Variants in TMEFF1 observed in about 807,000 individuals in gnomAD.
TMEFF1 encodes transmembrane protein with EGF like and two follistatin like domains 1, also known as tomoregulin-1.
Under a neutral mutation model 47.5 loss-of-function variants are expected in TMEFF1, and 20 were observed. The ratio of observed to expected loss-of-function variants is 0.42; its 90% CI spans 0.30 to 0.61. TMEFF1 has a LOEUF of 0.61. Among genes scored for constraint, TMEFF1 ranks in the 20% least tolerant of loss-of-function variants. TMEFF1 has a pLI of 0.19. For synonymous variants in TMEFF1, 162 were observed against 166.3 expected (o/e 0.97, Z 0.20); for missense variants, 411 against 471.1 (o/e 0.87, Z 1.18).
intron 1 of TMEFF1, among the ~76,000 whole-genome samples, chr9:100,482,183 TTTTC>T (rs951547468): frequency 8.6e-5 from 13 of 151,950 alleles, no homozygotes; most frequent in African/African-American, 1.4e-4. Context: ...TCTTCTTTTC[TTTTC>T]TTTCTTTCTT....
chr9:100,557,945 CTG>C (rs1838946558), intron 7 of TMEFF1, among the ~76,000 whole-genome samples: 1 of 151,860 alleles, frequency 6.6e-6, no homozygotes, highest in South Asian at 2.1e-4. Context: ...ATATTAGACT[CTG>C]TGAATTCGGA....
chr9:100,536,626 A>G (rs1838513780), intron 5 of TMEFF1, among the ~76,000 whole-genome samples: 1 of 152,184 alleles, frequency 6.6e-6, no homozygotes, highest in Non-Finnish European at 1.5e-5. Context: ...CTTGATTATT[A>G]ACTTTATTTC....
intron 1 of TMEFF1, among the ~76,000 whole-genome samples, chr9:100,498,434 A>C (rs1406606836): frequency 6.6e-6 from 1 of 152,142 alleles, no homozygotes. Flanking sequence ...ATGTTAAATA[A>C]GAAATAGTAA....
intron 5 of TMEFF1, among the ~76,000 whole-genome samples, chr9:100,544,030 A>G (rs1238696234): frequency 6.6e-6 from 1 of 151,408 alleles, no homozygotes; most frequent in African/African-American, 2.4e-5. Context: ...AACCTTTTTA[A>G]TTTTTTAAAT....
chr9:100,560,819 A>C (rs1008154000), intron 7 of TMEFF1, among the ~76,000 whole-genome samples: 1 of 152,234 alleles, frequency 6.6e-6, no homozygotes, highest in Non-Finnish European at 1.5e-5. Flanking sequence ...TTTTAAAATA[A>C]TGACCATATA....
chr9:100,558,451 C>T (rs1402661237), intron 7 of TMEFF1, among the ~76,000 whole-genome samples: 1 of 151,752 alleles, frequency 6.6e-6, no homozygotes, highest in African/African-American at 2.4e-5. Flanking sequence ...GAAACTGTAG[C>T]AAGAAAAGTA....
At chr9:100,545,085 C>T (rs879531512) in intron 5 of TMEFF1, among the ~76,000 whole-genome samples, 7 of 152,174 alleles carry the variant, frequency 4.6e-5, no homozygotes, top group South Asian at 2.1e-4. Context: ...ATGCACAGTG[C>T]GAGCTGTCAG....
At chr9:100,505,668 A>G (rs1048760076) in intron 2 of TMEFF1, among the ~76,000 whole-genome samples, 3 of 152,188 alleles carry the variant, frequency 2.0e-5, no homozygotes, top group African/African-American at 7.2e-5. Flanking sequence ...GCAGTACTTC[A>G]GGCATCCTTG....
intron 7 of TMEFF1, among the ~76,000 whole-genome samples, chr9:100,553,981 G>T (rs1250917847): frequency 2.6e-5 from 4 of 152,106 alleles, no homozygotes; most frequent in Admixed American, 2.6e-4. Flanking sequence ...ACATTTTAAT[G>T]TGACCATTTT....
chr9:100,529,830 C>A (rs11788763), intron 5 of TMEFF1, among the ~76,000 whole-genome samples: 3,802 of 152,028 alleles, frequency 0.025, 58 homozygotes, highest in Middle Eastern at 0.034. Context: ...CAAAATTGAC[C>A]ACATAGTTGG....
At chr9:100,563,835 G>A (rs138969666) in intron 8 of TMEFF1, among the ~76,000 whole-genome samples, 318 of 152,198 alleles carry the variant, frequency 2.1e-3, no homozygotes, top group Non-Finnish European at 3.5e-3. Context: ...TTTTTAAGAG[G>A]AATATCTTAA....
chr9:100,544,664 A>G (rs1838699024), intron 5 of TMEFF1, among the ~76,000 whole-genome samples: 1 of 152,198 alleles, frequency 6.6e-6, no homozygotes, highest in Non-Finnish European at 1.5e-5. Flanking sequence ...CCAGTCACCC[A>G]AAGTCTTAAC....
chr9:100,563,651 G>C (rs1245748916), intron 8 of TMEFF1, among the ~76,000 whole-genome samples: 1 of 152,206 alleles, frequency 6.6e-6, no homozygotes, highest in African/African-American at 2.4e-5. Flanking sequence ...TGCTTAGCCT[G>C]ATACCTGGTA....
chr9:100,527,472 G>C (rs1838284657), intron 5 of TMEFF1, among the ~76,000 whole-genome samples: 1 of 152,220 alleles, frequency 6.6e-6, no homozygotes, highest in African/African-American at 2.4e-5. Context: ...TCAAAGAAAG[G>C]GGTGACAGAC....
At chr9:100,488,065 A>T (rs1335025727) in intron 1 of TMEFF1, among the ~76,000 whole-genome samples, 1 of 152,216 alleles carries the variant, frequency 6.6e-6, no homozygotes, top group Non-Finnish European at 1.5e-5. Flanking sequence ...AGTGGTTAGA[A>T]ATAGAACCAG....
intron 5 of TMEFF1, among the ~76,000 whole-genome samples, chr9:100,544,618 A>G (rs570569404): frequency 6.6e-6 from 1 of 152,312 alleles, no homozygotes; most frequent in South Asian, 2.1e-4. Flanking sequence ...CCCAAATCTC[A>G]TGTCCTCACA....
At position 100,561,569 on chromosome 9, in the gene TMEFF1, G is replaced by C. The variant is rs1287130827; in HGVS notation, c.899+49G>C. ...TGGTGAGCATTTTTTTTCATCAATG[G>C]TTGTTGCTCTATAGAAGGGAATGAA... On this transcript the variant is annotated intron_variant, in intron 8 of 9. Coordinates refer to ENST00000374879, the MANE Select transcript of TMEFF1 (RefSeq NM_003692.5). The C allele has an allele frequency of 2.5e-6, 4 of 1,579,986 alleles. 1 individual carries two copies. The South Asian group carries it at 4.7e-5, about 19-fold the overall frequency.
chr9:100,527,677 A>G (rs1838289783), intron 5 of TMEFF1, among the ~76,000 whole-genome samples: 1 of 152,222 alleles, frequency 6.6e-6, no homozygotes, highest in Non-Finnish European at 1.5e-5. Context: ...GGCACCCGCC[A>G]TTGCCCAGGC....
chr9:100,553,161 G>GCA (rs956620867), intron 7 of TMEFF1, among the ~76,000 whole-genome samples: 2 of 152,140 alleles, frequency 1.3e-5, no homozygotes, highest in African/African-American at 4.8e-5. Flanking sequence ...GAATTTGAAG[G>GCA]CAAGGGGATC....
Sources: allele counts gnomAD v4.1 joint callset (sites outside exome capture counted in the v4.1 genomes callset), GRCh38; gene constraint gnomAD v4.1.1; transcripts MANE v1.5; gene names NCBI Gene and HGNC (gene_info 2026-07-23, HGNC 2026-07-21).